C12orf42: variants seen among roughly 807,000 people sequenced by gnomAD.
The protein encoded by C12orf42 is uncharacterized protein C12orf42.
In C12orf42, 25 loss-of-function variants were observed where a neutral mutation model predicts 21.6. The observed-to-expected ratio is 1.16, with a 90% CI of 0.84 to 1.62. The LOEUF (loss-of-function observed/expected upper bound fraction) is 1.62, where lower values mean the gene tolerates loss of function less well. Among genes scored for constraint, C12orf42 ranks in the 40% most tolerant of loss-of-function variants. The pLI is 0.00. For missense variants in C12orf42, 483 were observed against 459.3 expected, an observed-to-expected ratio of 1.05 and a Z score of -0.47; for synonymous variants, 174 against 175.0, an observed-to-expected ratio of 0.99 and a Z score of 0.05.
the C12orf42 span, among the ~76,000 whole-genome samples, chr12:103,076,142 T>C: frequency 2.6e-5 from 4 of 152,136 alleles, no homozygotes; most frequent in Admixed American, 2.6e-4. Context: ...AGAAGATGGG[T>C]TGATGGGTGC....
intron 4 of C12orf42, among the ~76,000 whole-genome samples, chr12:103,337,500 G>A (rs113628444): frequency 1.6e-4 from 25 of 152,222 alleles, no homozygotes; most frequent in African/African-American, 5.8e-4. Context: ...ACAGGCGCAC[G>A]CCACCCTGTC....
At chr12:103,458,686 G>A (rs1952479194) in intron 2 of C12orf42, among the ~76,000 whole-genome samples, 1 of 152,124 alleles carries the variant, frequency 6.6e-6, no homozygotes, top group Non-Finnish European at 1.5e-5. Flanking sequence ...AGTGACTCTT[G>A]CAACTTGTCC....
At chr12:103,536,291 G>A in the C12orf42 span, among the ~76,000 whole-genome samples, 1 of 152,270 alleles carries the variant, frequency 6.6e-6, no homozygotes, top group South Asian at 2.1e-4. Context: ...GGTTGGGGAT[G>A]ATTTAGATCT....
At chr12:103,438,953 A>G (rs1950971644) in intron 2 of C12orf42, among the ~76,000 whole-genome samples, 1 of 152,250 alleles carries the variant, frequency 6.6e-6, no homozygotes, top group Admixed American at 6.5e-5. Flanking sequence ...TCGCCAAGGC[A>G]ATCATAAGGC....
At chr12:103,388,093 A>G (rs558715120) in intron 3 of C12orf42, among the ~76,000 whole-genome samples, 3 of 152,108 alleles carry the variant, frequency 2.0e-5, no homozygotes, top group South Asian at 4.2e-4. Context: ...AGTGTCCTCC[A>G]CTCTTAAGTG....
chr12:103,307,531 A>C (rs2136565672), intron 4 of C12orf42, among the ~76,000 whole-genome samples: 1 of 152,266 alleles, frequency 6.6e-6, no homozygotes, highest in South Asian at 2.1e-4. Context: ...CAATTGTCAA[A>C]GATATTAATG....
intron 2 of C12orf42, chr12:103,456,191 C>T (rs1369146748): frequency 6.6e-6 from 1 of 152,092 alleles, no homozygotes. Context: ...TGGGCTAAAG[C>T]ATTGTAGGTC....
intron 2 of C12orf42, among the ~76,000 whole-genome samples, chr12:103,454,364 A>G (rs1299781069): frequency 6.6e-6 from 1 of 152,120 alleles, no homozygotes; most frequent in Admixed American, 6.6e-5. Flanking sequence ...AATTCATGAT[A>G]ATAATCTTAA....
At chr12:103,384,958 C>T (rs973655641) in intron 3 of C12orf42, among the ~76,000 whole-genome samples, 1 of 152,174 alleles carries the variant, frequency 6.6e-6, no homozygotes, top group East Asian at 1.9e-4. Flanking sequence ...TCTGTAGCCT[C>T]AGTCTTCTCA....
At chr12:103,225,640 G>C in the C12orf42 span, among the ~76,000 whole-genome samples, 1 of 152,116 alleles carries the variant, frequency 6.6e-6, no homozygotes, top group Admixed American at 6.5e-5. Context: ...TTTAGTTAAA[G>C]TGTCTCAGCC....
chr12:103,144,546 G>A, the C12orf42 span, among the ~76,000 whole-genome samples: 1 of 152,228 alleles, frequency 6.6e-6, no homozygotes, highest in Admixed American at 6.5e-5. Context: ...GGCAAAGTAG[G>A]TGCTGGTATC....
the C12orf42 span, among the ~76,000 whole-genome samples, chr12:103,538,711 C>T: frequency 6.6e-6 from 1 of 152,210 alleles, no homozygotes; most frequent in African/African-American, 2.4e-5. Context: ...CTAGTAATGG[C>T]TTTTCTGGCC....
the C12orf42 span, among the ~76,000 whole-genome samples, chr12:103,157,752 C>T: frequency 6.6e-6 from 1 of 152,138 alleles, no homozygotes; most frequent in East Asian, 1.9e-4. Flanking sequence ...TTGTTTTTGG[C>T]AGGTTTGTAG....
chr12:103,335,582 C>G (rs1374218177), intron 4 of C12orf42, among the ~76,000 whole-genome samples: 1 of 152,196 alleles, frequency 6.6e-6, no homozygotes, highest in Non-Finnish European at 1.5e-5. Flanking sequence ...AAGCTAACTG[C>G]TTTTTGACCT....
the C12orf42 span, among the ~76,000 whole-genome samples, chr12:103,094,385 T>A: frequency 2.6e-4 from 39 of 152,334 alleles, no homozygotes; most frequent in East Asian, 6.7e-3. Context: ...AAGGGAACAA[T>A]CCATTCCTGA....
At chr12:103,072,061 T>G in the C12orf42 span, among the ~76,000 whole-genome samples, 5 of 152,114 alleles carry the variant, frequency 3.3e-5, no homozygotes, top group Non-Finnish European at 7.4e-5. Flanking sequence ...ATAAAGCAAG[T>G]CAGTGATACC....
the C12orf42 span, among the ~76,000 whole-genome samples, chr12:103,103,343 T>C: frequency 4.6e-5 from 7 of 152,300 alleles, no homozygotes; most frequent in South Asian, 2.1e-4. Context: ...TTTTAATCCC[T>C]TCCTAGATCC....
chr12:103,488,959 A>T (rs1253652941), intron 1 of C12orf42, among the ~76,000 whole-genome samples: 1 of 152,206 alleles, frequency 6.6e-6, no homozygotes, highest in Non-Finnish European at 1.5e-5. Context: ...CAACTCATCA[A>T]AGTCATTCTC....
chr12:103,439,338 T>C (rs1007023326), intron 2 of C12orf42, among the ~76,000 whole-genome samples: 6 of 151,880 alleles, frequency 4.0e-5, no homozygotes, highest in Admixed American at 1.3e-4. Flanking sequence ...ATTCAGGACA[T>C]AGGCATGGGC....
Sources: gnomAD v4.1 joint callset for allele counts (sites outside exome capture counted in the v4.1 genomes callset) on GRCh38, gnomAD v4.1.1 for gene constraint, MANE v1.5 for transcripts, NCBI Gene and HGNC (gene_info 2026-07-23, HGNC 2026-07-21) for gene names.